CADM1: variants seen among roughly 807,000 people sequenced by gnomAD.
CADM1 encodes cell adhesion molecule 1, also known as TSLC-1.
CADM1 carries 15 observed loss-of-function variants against 53.1 expected under a neutral mutation model. The ratio of observed to expected loss-of-function variants is 0.28; its 90% CI spans 0.19 to 0.44. The LOEUF (loss-of-function observed/expected upper bound fraction) is 0.44. Among genes scored for constraint, CADM1 ranks in the 20% least tolerant of loss-of-function variants. The pLI is 1.00. For synonymous variants in CADM1, 281 were observed against 243.0 expected, an observed-to-expected ratio of 1.16 and a Z score of -1.45; for missense variants, 434 against 611.3, an observed-to-expected ratio of 0.71 and a Z score of 3.06.
At chr11:115,260,450 T>C (rs975510677) in intron 1 of CADM1, among the ~76,000 whole-genome samples, 6 of 152,230 alleles carry the variant, frequency 3.9e-5, no homozygotes, top group Non-Finnish European at 8.8e-5. Flanking sequence ...TCAGGTAATA[T>C]GTGGCCAGTG....
chr11:115,359,170 A>C (rs936220464), intron 1 of CADM1, among the ~76,000 whole-genome samples: 1 of 152,198 alleles, frequency 6.6e-6, no homozygotes, highest in East Asian at 1.9e-4. Context: ...TCTAGGATCT[A>C]AAATGTTGTT....
intron 1 of CADM1, chr11:115,445,835 ACCTG>A: frequency 2.3e-6 from 1 of 439,962 alleles, no homozygotes; most frequent in South Asian, 1.6e-5. Flanking sequence ...ATGAAGTGAG[ACCTG>A]TCAAAAAAGA....
chr11:115,328,034 C>T (rs1228350678), intron 1 of CADM1, among the ~76,000 whole-genome samples: 1 of 151,950 alleles, frequency 6.6e-6, no homozygotes, highest in Non-Finnish European at 1.5e-5. Flanking sequence ...CCTTCTGTTT[C>T]TCTGGGTTTT....
intron 1 of CADM1, among the ~76,000 whole-genome samples, chr11:115,255,172 G>A (rs1421470055): frequency 2.6e-5 from 4 of 152,164 alleles, no homozygotes; most frequent in Admixed American, 1.3e-4. Context: ...AGAAATGAGC[G>A]TTACTTGCCT....
intron 1 of CADM1, among the ~76,000 whole-genome samples, chr11:115,465,820 G>A (rs1948888779): frequency 6.6e-6 from 1 of 152,132 alleles, no homozygotes; most frequent in Non-Finnish European, 1.5e-5. Flanking sequence ...AGTGTTGTAA[G>A]TTTTAACCTG....
chr11:115,274,179 CTTAG>C (rs1466232206), intron 1 of CADM1, among the ~76,000 whole-genome samples: 9 of 152,342 alleles, frequency 5.9e-5, no homozygotes, highest in Admixed American at 3.3e-4. Flanking sequence ...CTTAGTGCTT[CTTAG>C]TTAGTAATCT....
At position 115,259,290 on chromosome 11, in the gene CADM1, C is replaced by CTTTTT. The variant is rs71066411; in HGVS notation, c.125-18875_125-18871dup. Among the ~76,000 whole-genome samples the CTTTTT allele has an allele frequency of 1.6e-3, 88 of 55,090 alleles. 11 individuals are homozygous for CTTTTT. Among genetic ancestry groups the CTTTTT allele is most frequent in the African/African-American group, 1.9e-3 (26 of 13,468 alleles). 36.1% of individuals were successfully genotyped at this position (55,090 alleles called of 152,430 possible). ...CGTGCGCCACCGCACCCAGTCTTAA[C>CTTTTT]TTTTTTTTTTTTTTTTTTTTTTTTT... is the stretch of plus-strand genomic sequence containing the variant. On this transcript the variant is annotated intron_variant, in intron 1 of 11. Transcript: ENST00000331581.
chr11:115,455,947 C>T (rs1400170695), intron 1 of CADM1, among the ~76,000 whole-genome samples: 4 of 152,166 alleles, frequency 2.6e-5, no homozygotes, highest in African/African-American at 9.6e-5. Context: ...GAAGTGGAGC[C>T]TTTCATGCTG....
At chr11:115,191,420 C>T (rs908986640) in intron 9 of CADM1, among the ~76,000 whole-genome samples, 1 of 152,180 alleles carries the variant, frequency 6.6e-6, no homozygotes, top group East Asian at 1.9e-4. Context: ...CAAAATGGTA[C>T]AGCATCTGCT....
At chr11:115,244,503 T>C (rs1205171460) in intron 1 of CADM1, among the ~76,000 whole-genome samples, 1 of 152,174 alleles carries the variant, frequency 6.6e-6, no homozygotes, top group East Asian at 1.9e-4. Flanking sequence ...GCAGGATGCT[T>C]TACATACTTT....
At chr11:115,404,606 A>G (rs1283459324) in intron 1 of CADM1, among the ~76,000 whole-genome samples, 2 of 150,122 alleles carry the variant, frequency 1.3e-5, no homozygotes, top group African/African-American at 4.9e-5. Context: ...AAAAAATAAC[A>G]TAAATAAAAA....
At chr11:115,382,323 C>T (rs796476318) in intron 1 of CADM1, among the ~76,000 whole-genome samples, 10 of 150,788 alleles carry the variant, frequency 6.6e-5, no homozygotes, top group African/African-American at 2.4e-4. Flanking sequence ...GTAAGTCACA[C>T]AAGAAAAAAA....
chr11:115,497,234 T>C (rs1401628415), intron 1 of CADM1, among the ~76,000 whole-genome samples: 2 of 152,226 alleles, frequency 1.3e-5, no homozygotes, highest in African/African-American at 4.8e-5. Flanking sequence ...CACTTTCATT[T>C]CAAGCCTATT....
In CADM1 at chr11:115,180,218, G is replaced by A. The variant is rs532367504; in HGVS notation, c.1166-1443C>T. 1.1e-3 allele frequency among the ~76,000 whole-genome samples: 166 copies of A among 152,296 alleles called. 2 individuals are homozygous for A. The highest frequency in any genetic ancestry group is 3.9e-3 in the African/African-American group (161 of 41,568). On this transcript the variant is annotated intron_variant, in intron 10 of 11. Transcript: ENST00000331581. ...GAGATTAAGTACTGAAGGATGTGGG[G>A]AAATAACTCGTGACTGAGGGTTCCA...
At chr11:115,203,139 G>A (rs564213769) in intron 8 of CADM1, among the ~76,000 whole-genome samples, 1 of 149,890 alleles carries the variant, frequency 6.7e-6, no homozygotes, top group Non-Finnish European at 1.5e-5. Flanking sequence ...AGCAGCAACG[G>A]GGGATGATTT....
chr11:115,231,281 T>C, intron 4 of CADM1, 72 bp downstream of exon 4: 1 of 1,515,050 alleles, frequency 6.6e-7, no homozygotes, highest in Non-Finnish European at 9.2e-7. Context: ...TTTGTATTTC[T>C]CCATGATTTT....
At chr11:115,373,583 C>CAAAAAAAAAAAAAAA (rs35059216) in intron 1 of CADM1, among the ~76,000 whole-genome samples, 1 of 48,820 alleles carries the variant, frequency 2.0e-5, no homozygotes, top group African/African-American at 1.1e-4. Flanking sequence ...GACTCTGTCT[C>CAAAAAAAAAAAAAAA]AAAAAAAAAA....
intron 1 of CADM1, among the ~76,000 whole-genome samples, chr11:115,381,293 C>CA (rs35733611): frequency 0.034 from 3,960 of 115,706 alleles, 180 homozygotes; most frequent in African/African-American, 0.11. Context: ...GACTCCATCT[C>CA]AAAAAAAAAA....
At chr11:115,225,163 C>A (rs759561905) in intron 5 of CADM1, among the ~76,000 whole-genome samples, 1 of 152,058 alleles carries the variant, frequency 6.6e-6, no homozygotes, top group Non-Finnish European at 1.5e-5. Flanking sequence ...TCTTCATTCC[C>A]GGCAACGTTC....
Sources: allele counts gnomAD v4.1 joint callset (sites outside exome capture counted in the v4.1 genomes callset), GRCh38; gene constraint gnomAD v4.1.1; transcripts MANE v1.5; gene names NCBI Gene and HGNC (gene_info 2026-07-23, HGNC 2026-07-21).